The following FAM107B variants were observed in gnomAD, a reference collection of about 807,000 sequenced individuals.
The protein encoded by FAM107B is family with sequence similarity 107 member B, also known as protein FAM107B.
FAM107B carries 21 observed loss-of-function variants against 31.5 expected under a neutral mutation model. The ratio of observed to expected loss-of-function variants is 0.67; its 90% CI spans 0.47 to 0.96. The LOEUF is 0.96. FAM107B is among the 40% of genes least tolerant of loss of function. The pLI is 0.00. For missense variants in FAM107B, 452 were observed against 377.1 expected, an observed-to-expected ratio of 1.20 and a Z score of -1.64; for synonymous variants, 157 against 141.5, an observed-to-expected ratio of 1.11 and a Z score of -0.78.
intron 2 of FAM107B, among the ~76,000 whole-genome samples, chr10:14,617,016 A>C (rs946293558): frequency 1.3e-5 from 2 of 152,116 alleles, no homozygotes; most frequent in African/African-American, 4.8e-5. Context: ...AGGATAAGGA[A>C]GAGAAGAAAA....
At chr10:14,755,393 T>C (rs1832907974) in intron 1 of FAM107B, among the ~76,000 whole-genome samples, 1 of 151,286 alleles carries the variant, frequency 6.6e-6, no homozygotes, top group South Asian at 2.1e-4. Flanking sequence ...ATACAAAAAT[T>C]AGCTGGGCAT....
At chr10:14,547,574 C>T (rs1263993236) in intron 2 of FAM107B, among the ~76,000 whole-genome samples, 4 of 151,766 alleles carry the variant, frequency 2.6e-5, no homozygotes, top group Admixed American at 1.3e-4. Context: ...AGTATCTACA[C>T]TCTGAAATGC....
At chr10:14,540,619 G>C (rs561403805) in intron 2 of FAM107B, among the ~76,000 whole-genome samples, 29 of 152,298 alleles carry the variant, frequency 1.9e-4, no homozygotes, top group Non-Finnish European at 2.8e-4. Context: ...TCCAGGCAGA[G>C]GGCCACAGCC....
intron 1 of FAM107B, among the ~76,000 whole-genome samples, chr10:14,712,842 G>A (rs1019044440): frequency 2.0e-5 from 3 of 152,118 alleles, no homozygotes; most frequent in African/African-American, 7.2e-5. Context: ...TTTAGAACAC[G>A]AGTCCAAAAT....
At position 14,528,306 on chromosome 10, in the gene FAM107B, C is replaced by T. The variant is rs538795725; in HGVS notation, c.653+2026G>A. On this transcript the variant is annotated intron_variant, in intron 3 of 4. Transcript: ENST00000181796. Reference sequence around the variant, plus strand: ...AAGCAATTCTCCTGCCTCAGCCTCCCGAGTGGTTGGGATTACAGGCATGTG... The same window carrying T: ...AAGCAATTCTCCTGCCTCAGCCTCCTGAGTGGTTGGGATTACAGGCATGTG... 1.6e-4 allele frequency among the ~76,000 whole-genome samples: 24 copies of T among 151,354 alleles called. 1 individual carries two copies. In the South Asian group the frequency reaches 5.0e-3, roughly 32 times the overall value.
chr10:14,632,565 T>C (rs1186586303), intron 2 of FAM107B, among the ~76,000 whole-genome samples: 6 of 145,848 alleles, frequency 4.1e-5, no homozygotes, highest in Non-Finnish European at 7.5e-5. Flanking sequence ...GAGCCGAGAT[T>C]GCGCCACTGC....
intron 2 of FAM107B, among the ~76,000 whole-genome samples, chr10:14,559,491 A>G (rs1588585120): frequency 6.6e-6 from 1 of 151,414 alleles, no homozygotes; most frequent in Non-Finnish European, 1.5e-5. Flanking sequence ...AAGAGGAGGC[A>G]ACTGAAAAGG....
chr10:14,646,593 T>C (rs1853760271), intron 2 of FAM107B, among the ~76,000 whole-genome samples: 1 of 152,158 alleles, frequency 6.6e-6, no homozygotes, highest in South Asian at 2.1e-4. Context: ...CTTAGGTTGA[T>C]TGCATGTCTT....
At chr10:14,631,427 T>C (rs1174655942) in intron 2 of FAM107B, among the ~76,000 whole-genome samples, 2 of 152,334 alleles carry the variant, frequency 1.3e-5, no homozygotes, top group Admixed American at 1.3e-4. Flanking sequence ...GATGAACCAG[T>C]GTATAAATTC....
intron 1 of FAM107B, among the ~76,000 whole-genome samples, chr10:14,751,189 A>C (rs1381232301): frequency 6.6e-6 from 1 of 152,204 alleles, no homozygotes; most frequent in Non-Finnish European, 1.5e-5. Flanking sequence ...CGGAATCCAG[A>C]CACAAAGACC....
intron 2 of FAM107B, among the ~76,000 whole-genome samples, chr10:14,660,434 C>T (rs142477483): frequency 8.5e-4 from 130 of 152,274 alleles, no homozygotes; most frequent in African/African-American, 3.0e-3. Flanking sequence ...GCATGGTTGG[C>T]CCATTCATCC....
intron 1 of FAM107B, among the ~76,000 whole-genome samples, chr10:14,747,700 C>T (rs1321834138): frequency 6.6e-6 from 1 of 152,162 alleles, no homozygotes; most frequent in Non-Finnish European, 1.5e-5. Flanking sequence ...CAGAGAGGCA[C>T]CAAGCTAATG....
intron 1 of FAM107B, among the ~76,000 whole-genome samples, chr10:14,743,293 C>T (rs184080418): frequency 6.6e-6 from 1 of 152,040 alleles, no homozygotes; most frequent in Non-Finnish European, 1.5e-5. Context: ...AATTTTTTCT[C>T]CCATTCTGCA....
At chr10:14,675,811 C>A (rs965406594) in intron 1 of FAM107B, among the ~76,000 whole-genome samples, 1 of 151,986 alleles carries the variant, frequency 6.6e-6, no homozygotes, top group Non-Finnish European at 1.5e-5. Context: ...TTCAAAATTA[C>A]CCCCCAGAAT....
chr10:14,599,172 G>C (rs1852283422), intron 2 of FAM107B, among the ~76,000 whole-genome samples: 1 of 152,114 alleles, frequency 6.6e-6, no homozygotes, highest in Non-Finnish European at 1.5e-5. Context: ...TTTCTACCTT[G>C]TTTCTACGGG....
At chr10:14,679,183 G>T (rs1854766572) in intron 1 of FAM107B, among the ~76,000 whole-genome samples, 1 of 152,136 alleles carries the variant, frequency 6.6e-6, no homozygotes, top group African/African-American at 2.4e-5. Context: ...AGGCTGGAGT[G>T]CAGTGATGTG....
intron 2 of FAM107B, among the ~76,000 whole-genome samples, chr10:14,604,782 T>C (rs1852543986): frequency 6.8e-6 from 1 of 146,630 alleles, no homozygotes; most frequent in African/African-American, 2.5e-5. Flanking sequence ...ACACACACAT[T>C]CTCTCTTCTT....
intron 2 of FAM107B, among the ~76,000 whole-genome samples, chr10:14,609,928 A>G (rs1260333038): frequency 6.6e-6 from 1 of 152,230 alleles, no homozygotes; most frequent in Admixed American, 6.5e-5. Flanking sequence ...CAGGCCTAAG[A>G]AGGAATTCTT....
chr10:14,686,139 A>G (rs1185628390), intron 1 of FAM107B, among the ~76,000 whole-genome samples: 1 of 152,172 alleles, frequency 6.6e-6, no homozygotes, highest in African/African-American at 2.4e-5. Flanking sequence ...CTGTAGTCCC[A>G]GCACTTTGGG....
Sources: allele counts gnomAD v4.1 joint callset (sites outside exome capture counted in the v4.1 genomes callset), GRCh38; gene constraint gnomAD v4.1.1; transcripts MANE v1.5; gene names NCBI Gene and HGNC (gene_info 2026-07-23, HGNC 2026-07-21).